FBLN1: variants seen among roughly 807,000 people sequenced by gnomAD.
FBLN1 encodes fibulin 1, also known as fibulin-1.
Under a neutral mutation model 89.7 loss-of-function variants are expected in FBLN1, and 34 were observed. The observed-to-expected ratio is 0.38, with a 90% CI of 0.29 to 0.50. FBLN1 has a LOEUF of 0.50. Ranked by LOEUF, FBLN1 falls within the 20% of genes least tolerant of loss-of-function variation. The probability of loss-of-function intolerance (pLI) is 0.92; values close to 1 mark genes in which losing one functional copy is unlikely to be tolerated. For missense variants in FBLN1, 777 were observed against 988.1 expected (o/e 0.79, Z 2.86); for synonymous variants, 393 against 391.3 (o/e 1.00, Z -0.05).
At chr22:45,524,523 G>A (rs936278894) in intron 2 of FBLN1, among the ~76,000 whole-genome samples, 2 of 152,150 alleles carry the variant, frequency 1.3e-5, no homozygotes, top group African/African-American at 2.4e-5. Flanking sequence ...CTCCCTCTGG[G>A]GCCTTGGGCA....
In FBLN1 at chr22:45,544,206, C is replaced by T. The variant is rs2088596240; in HGVS notation, c.1321+680C>T. ...GGTTCAAGCGATTCCCCTGCCTCAG[C>T]CTCCCGAATAGCTGGGATTACAGGT... On this transcript the variant is annotated intron_variant, in intron 11 of 16. Transcript: ENST00000327858. Among the ~76,000 whole-genome samples the T allele has an allele frequency of 2.0e-5, 3 of 152,300 alleles. No homozygotes were observed. In the South Asian group the frequency reaches 6.2e-4, roughly 32 times the overall value.
chr22:45,555,165 G>T (rs982287966), intron 14 of FBLN1, among the ~76,000 whole-genome samples: 2 of 151,292 alleles, frequency 1.3e-5, no homozygotes, highest in African/African-American at 4.9e-5. Context: ...CACCGCAGGA[G>T]GTTGGGACCC....
Position 45,531,169 on chromosome 22 carries a change from T to C in FBLN1, c.485-96T>C, listed in dbSNP as rs1444059514. 9.5e-7 allele frequency: 1 copy of C among 1,050,826 alleles called. No individual in the cohort carries two copies. Among genetic ancestry groups the C allele is most frequent in the African/African-American group, 1.6e-5 (1 of 64,080 alleles). The allele number at this position is 1,050,826 out of a possible 1,614,324, so 65.1% of individuals were successfully genotyped here. On this transcript the variant is annotated intron_variant, in intron 4 of 16. Coordinates refer to ENST00000327858, the MANE Select transcript of FBLN1 (RefSeq NM_006486.3). This position sits in a 1 kb window ranked among gnomAD's most constrained non-coding sequence, Gnocchi z 4.9. ...TATAAGATGTTCAAATGGGCATTAC[T>C]GCCTGATAGTGACAAGAAGAGAGAA...
At chr22:45,566,965 G>A (rs1037625935) in intron 14 of FBLN1, among the ~76,000 whole-genome samples, 10 of 152,212 alleles carry the variant, frequency 6.6e-5, no homozygotes, top group African/African-American at 2.2e-4. Flanking sequence ...CATGTAATTC[G>A]TTTACTCTTC....
chr22:45,507,912 G>C (rs2088044932), intron 1 of FBLN1, among the ~76,000 whole-genome samples: 1 of 152,176 alleles, frequency 6.6e-6, no homozygotes, highest in Non-Finnish European at 1.5e-5. Flanking sequence ...CCGGCTTCTT[G>C]TTTTGGCCTA....
Position 45,590,631 on chromosome 22 carries a change from G to C in FBLN1, c.1973-9676G>C, listed in dbSNP as rs1322897474. On this transcript the variant is annotated intron_variant, in intron 16 of 16. Coordinates refer to ENST00000327858, the MANE Select transcript of FBLN1 (RefSeq NM_006486.3). This position sits in a 1 kb window ranked among gnomAD's most constrained non-coding sequence, Gnocchi z 4.1. The stretch of plus-strand genomic sequence containing the variant: ...GTGGTACACGTGTTCAGGTAGATGC[G>C]ACGAGGCCGGAACTGAGGCCAGGTG... Among the ~76,000 whole-genome samples the C allele has an allele frequency of 3.3e-5, 5 of 152,180 alleles. No homozygotes were observed. Among genetic ancestry groups the C allele is most frequent in the African/African-American group, 1.2e-4 (5 of 41,458 alleles).
At chr22:45,571,111 C>CAAAAAAAAAAAAAAAAAAAAAAAAAAAA (rs542647353) in intron 14 of FBLN1, among the ~76,000 whole-genome samples, 2 of 70,862 alleles carry the variant, frequency 2.8e-5, no homozygotes, top group Non-Finnish European at 5.1e-5. Context: ...ACAAGAGTCT[C>CAAAAAAAAAAAAAAAAAAAAAAAAAAAA]AAAAAAAAAA....
At position 45,561,843 on chromosome 22, in the gene FBLN1, T is replaced by C. The variant is rs1015181199; in HGVS notation, c.1697+11228T>C. Among the ~76,000 whole-genome samples the C allele has an allele frequency of 6.6e-6, 1 of 152,122 alleles. No individual in the cohort carries two copies. The highest frequency in any genetic ancestry group is 6.6e-5 in the Admixed American group (1 of 15,266). On this transcript the variant is annotated intron_variant, in intron 14 of 16. Transcript: ENST00000327858. The surrounding 1 kb of genome is among the most constrained non-coding windows in gnomAD (Gnocchi z 4.7). ...AGTCCGAGTCCCAAAACTGAAGAACTTGGAGTCCGATGTTCAAGGGCAGGA... is the reference window on the plus strand; with the variant it reads ...AGTCCGAGTCCCAAAACTGAAGAACCTGGAGTCCGATGTTCAAGGGCAGGA...
rs374267942 is a variant in FBLN1, at chr22:45,541,223, C to T, written c.923-6C>T. 6.2e-7 allele frequency: 1 copy of T among 1,614,234 alleles called. No homozygotes were observed. The highest frequency in any genetic ancestry group is 1.7e-5 in the Admixed American group (1 of 60,030). ...ACCACATGGTCTCTGTCTTTTCCCG[C>T]TGTAGATATCAATGAGTGTTTGAGT... On this transcript the variant is annotated splice_region_variant and splice_polypyrimidine_tract_variant and intron_variant, in intron 8 of 16. Transcript: ENST00000327858.
intron 16 of FBLN1, among the ~76,000 whole-genome samples, chr22:45,593,207 C>G (rs1368863271): frequency 7.9e-6 from 1 of 126,326 alleles, no homozygotes; most frequent in Non-Finnish European, 1.6e-5. Flanking sequence ...AATGGAGAGA[C>G]AATCAAGTGC....
chr22:45,574,524 A>G lies in FBLN1; in HGVS notation c.1711A>G (p.Lys571Glu). Residue 571 changes from lysine to glutamate, a missense_variant, in exon 15 of 17, where the codon AAG becomes GAG. Transcript: ENST00000327858. The surrounding 1 kb of genome is among the most constrained non-coding windows in gnomAD (Gnocchi z 4.1). ...RRSAATLQQEKTDTVRCIKSC... is the reference protein window; with the variant it reads ...RRSAATLQQEETDTVRCIKSC... ...GGTTCCCCTCAGGCTCCAGCAGGAG[A>G]AGACAGACACGGTCCGCTGCATCAA... The G allele has an allele frequency of 6.2e-7, 1 of 1,614,128 alleles. No individual in the cohort carries two copies. The highest frequency in any genetic ancestry group is 2.2e-5 in the East Asian group (1 of 44,878).
Position 45,562,768 on chromosome 22 carries a change from G to T in FBLN1, c.1698-11743G>T, listed in dbSNP as rs1320996091. On this transcript the variant is annotated intron_variant, in intron 14 of 16. Coordinates refer to ENST00000327858, the MANE Select transcript of FBLN1 (RefSeq NM_006486.3). The surrounding 1 kb of genome is among the most constrained non-coding windows in gnomAD (Gnocchi z 7.8). ...ACGGCGCCTCCCGCAGGTGAGTGAG[G>T]TGTGCCCTTCGTGTTGGCTGAATCG... 1.1e-5 allele frequency: 9 copies of T among 814,318 alleles called. No homozygotes were observed. The highest frequency in any genetic ancestry group is 1.9e-5 in the Non-Finnish European group (9 of 469,480). 50.4% of individuals were successfully genotyped at this position (814,318 alleles called of 1,614,324 possible).
At chr22:45,533,652 G>A (rs931260399) in intron 6 of FBLN1, 109 bp from the exon 7 acceptor site, 13 of 1,314,168 alleles carry the variant, frequency 9.9e-6, no homozygotes, top group Middle Eastern at 1.8e-4. Context: ...CTCAGTTTGC[G>A]AGGGTGCAGG....
chr22:45,586,728 TG>T (rs1048769457), intron 16 of FBLN1, among the ~76,000 whole-genome samples: 2 of 151,710 alleles, frequency 1.3e-5, no homozygotes, highest in African/African-American at 2.4e-5. Context: ...TGAAAGGTGG[TG>T]GGGGGTAAGC....
At chr22:45,541,581 G>C (rs1011020431) in intron 9 of FBLN1, among the ~76,000 whole-genome samples, 1 of 152,188 alleles carries the variant, frequency 6.6e-6, no homozygotes, top group African/African-American at 2.4e-5. Context: ...TGTCTGGCTT[G>C]TCCTGAGCCC....
chr22:45,598,345 C>T (rs2089203441), intron 16 of FBLN1, among the ~76,000 whole-genome samples: 1 of 152,218 alleles, frequency 6.6e-6, no homozygotes, highest in African/African-American at 2.4e-5. Context: ...ACCAGAGAGC[C>T]ACCTGTTAGA....
rs2089015386 is a variant in FBLN1, at chr22:45,578,329, G to A, written c.1972+1221G>A. 6.6e-6 allele frequency: 1 copy of A among 152,238 alleles called. No homozygotes were observed. Among genetic ancestry groups the A allele is most frequent in the African/African-American group, 2.4e-5 (1 of 41,464 alleles). 9.4% of individuals were successfully genotyped at this position (152,238 alleles called of 1,614,324 possible). ...CCTTTACAAGCTTTTAAATGGGTTTGCATGTTGTAAACATGACTGAGTCAC... is the reference window on the plus strand; with the variant it reads ...CCTTTACAAGCTTTTAAATGGGTTTACATGTTGTAAACATGACTGAGTCAC... On this transcript the variant is annotated intron_variant, in intron 16 of 16. Coordinates refer to ENST00000327858, the MANE Select transcript of FBLN1 (RefSeq NM_006486.3). The surrounding 1 kb of genome is among the most constrained non-coding windows in gnomAD (Gnocchi z 4.6).
chr22:45,570,584 G>A (rs2088945361), intron 14 of FBLN1, among the ~76,000 whole-genome samples: 1 of 149,328 alleles, frequency 6.7e-6, no homozygotes, highest in East Asian at 2.0e-4. Context: ...AGAGATGAAA[G>A]GCTTGAAGAA....
chr22:45,590,335 G>T lies in FBLN1; in HGVS notation c.1973-9972G>T, dbSNP rs1458949838. ...GCCCCTCTGGTGTGCCCACGTCTTT[G>T]AGTGAAGTTGGCAAGACTTGAACTC... is the stretch of plus-strand genomic sequence containing the variant. On this transcript the variant is annotated intron_variant, in intron 16 of 16. Coordinates refer to ENST00000327858, the MANE Select transcript of FBLN1 (RefSeq NM_006486.3). This position sits in a 1 kb window ranked among gnomAD's most constrained non-coding sequence, Gnocchi z 4.1. 6.6e-6 allele frequency among the ~76,000 whole-genome samples: 1 copy of T among 152,226 alleles called. No homozygotes were observed. The highest frequency in any genetic ancestry group is 1.5e-5 in the Non-Finnish European group (1 of 68,050).
Sources: gnomAD v4.1 joint callset for allele counts (sites outside exome capture counted in the v4.1 genomes callset) on GRCh38, gnomAD v4.1.1 for gene constraint, Gnocchi (gnomAD v3.1) non-coding constraint, MANE v1.5 for transcripts, NCBI Gene and HGNC (gene_info 2026-07-23, HGNC 2026-07-21) for gene names.